RTTN: variants seen among roughly 807,000 people sequenced by gnomAD.
RTTN encodes rotatin.
In RTTN, 182 loss-of-function variants were observed where a neutral mutation model predicts 269.2. The observed-to-expected ratio is 0.68, with a 90% confidence interval of 0.60 to 0.76. The LOEUF is 0.76. Ranked by LOEUF, RTTN falls within the 30% of genes least tolerant of loss-of-function variation. The probability of loss-of-function intolerance (pLI) is 0.00; values close to 1 mark genes in which losing one functional copy is unlikely to be tolerated. For synonymous variants in RTTN, 1,006 were observed against 963.5 expected (o/e 1.04, Z -0.82); for missense variants, 2,545 against 2,608.6 (o/e 0.98, Z 0.53).
intron 23 of RTTN, 67 bp downstream of exon 23, chr18:70,134,406 G>C: frequency 1.6e-5 from 19 of 1,186,504 alleles, no homozygotes; most frequent in Non-Finnish European, 2.3e-5. Flanking sequence ...ACAAATTATA[G>C]ATTTTGATTT....
intron 34 of RTTN, among the ~76,000 whole-genome samples, chr18:70,073,058 CTGTA>C (rs1176298545): frequency 1.3e-5 from 2 of 151,990 alleles, no homozygotes; most frequent in Non-Finnish European, 2.9e-5. Context: ...ATTATAATGT[CTGTA>C]TAATTATTAT....
intron 46 of RTTN, among the ~76,000 whole-genome samples, chr18:70,016,390 C>T (rs1306876974): frequency 6.6e-6 from 1 of 152,116 alleles, no homozygotes; most frequent in African/African-American, 2.4e-5. Flanking sequence ...TAAACTGATT[C>T]TTACCAAACC....
intron 43 of RTTN, 139 bp from the exon 44 acceptor site, chr18:70,024,987 C>A: frequency 1.1e-6 from 1 of 911,822 alleles, no homozygotes; most frequent in Non-Finnish European, 1.6e-6. Context: ...GCCCCAGCCC[C>A]ATTGGGCTCC....
At chr18:70,101,235 T>G (rs1213274226) in intron 28 of RTTN, among the ~76,000 whole-genome samples, 2 of 152,186 alleles carry the variant, frequency 1.3e-5, no homozygotes, top group Non-Finnish European at 2.9e-5. Flanking sequence ...AGGCTAATAA[T>G]TATTGCCTCA....
intron 42 of RTTN, 48 bp downstream of exon 42, chr18:70,029,964 T>G (rs2056964627): frequency 7.5e-7 from 1 of 1,336,890 alleles, no homozygotes; most frequent in Non-Finnish European, 1.1e-6. Flanking sequence ...ACAAGAGGAC[T>G]GGAGAATGGT....
At chr18:70,113,272 A>G (rs1242937637) in intron 27 of RTTN, among the ~76,000 whole-genome samples, 1 of 152,212 alleles carries the variant, frequency 6.6e-6, no homozygotes, top group Non-Finnish European at 1.5e-5. Flanking sequence ...CGAAGAAGAT[A>G]CACAAATAGC....
chr18:70,109,352 A>C, intron 28 of RTTN, 146 bp downstream of exon 28: 1 of 573,714 alleles, frequency 1.7e-6, no homozygotes, highest in East Asian at 2.9e-5. Flanking sequence ...TATTAATAAA[A>C]ATCACTAAAA....
intron 28 of RTTN, among the ~76,000 whole-genome samples, chr18:70,096,265 T>A (rs2059001783): frequency 6.6e-6 from 1 of 152,118 alleles, no homozygotes; most frequent in African/African-American, 2.4e-5. Flanking sequence ...CTTGGAGGAG[T>A]TTGTTATTAC....
intron 12 of RTTN, among the ~76,000 whole-genome samples, chr18:70,168,628 T>C (rs188891938): frequency 2.6e-5 from 4 of 152,314 alleles, no homozygotes; most frequent in East Asian, 3.9e-4. Flanking sequence ...TGTAAATCAC[T>C]GATGTTAGGA....
chr18:70,082,756 T>A (rs1001744736), intron 32 of RTTN, among the ~76,000 whole-genome samples: 4 of 152,114 alleles, frequency 2.6e-5, no homozygotes, highest in African/African-American at 9.7e-5. Context: ...AGTGACACAA[T>A]CATAGCTTAC....
chr18:70,109,494 T>C lies in RTTN; in HGVS notation c.3903+4A>G. The C allele has an allele frequency of 6.2e-7, 1 of 1,612,512 alleles. No individual in the cohort carries two copies. The highest frequency in any genetic ancestry group is 8.5e-7 in the Non-Finnish European group (1 of 1,178,490). On this transcript the variant is annotated splice_donor_region_variant and intron_variant, in intron 28 of 48. Coordinates refer to ENST00000640769, the MANE Select transcript of RTTN (RefSeq NM_173630.4). ...AATAACTACCATATGCTATTTTTACTTACCTCAAGGAGACCTGACAAGTAC... is the reference window on the plus strand; with the variant it reads ...AATAACTACCATATGCTATTTTTACCTACCTCAAGGAGACCTGACAAGTAC...
intron 40 of RTTN, among the ~76,000 whole-genome samples, chr18:70,036,222 C>G (rs979825599): frequency 6.6e-6 from 1 of 152,126 alleles, no homozygotes; most frequent in Non-Finnish European, 1.5e-5. Flanking sequence ...ATAAATCATT[C>G]TATCATAAAG....
intron 21 of RTTN, among the ~76,000 whole-genome samples, chr18:70,139,184 A>G (rs1046119710): frequency 2.0e-5 from 3 of 152,200 alleles, no homozygotes; most frequent in African/African-American, 4.8e-5. Flanking sequence ...TTGAGCCTAT[A>G]CTCTTAACAC....
intron 32 of RTTN, 61 bp from the exon 33 acceptor site, chr18:70,075,602 G>C (rs2058408500): frequency 2.2e-6 from 3 of 1,347,920 alleles, no homozygotes; most frequent in South Asian, 3.2e-5. Flanking sequence ...TCCTTAAAAA[G>C]ATCCATTGTC....
chr18:70,047,157 T>C (rs534619025), intron 40 of RTTN, among the ~76,000 whole-genome samples: 1 of 152,332 alleles, frequency 6.6e-6, no homozygotes, highest in South Asian at 2.1e-4. Context: ...CAATCTTCTA[T>C]CTTTGCCAAA....
At chr18:70,089,283 G>C (rs186636310) in intron 30 of RTTN, among the ~76,000 whole-genome samples, 7 of 152,314 alleles carry the variant, frequency 4.6e-5, no homozygotes, top group Non-Finnish European at 8.8e-5. Flanking sequence ...CCTCAGGAAG[G>C]AGAGAAATCT....
intron 45 of RTTN, chr18:70,019,501 C>T (rs907750799): frequency 3.3e-5 from 5 of 152,062 alleles, no homozygotes; most frequent in Non-Finnish European, 5.9e-5. Flanking sequence ...AATATATATA[C>T]ATATATGACA....
At chr18:70,147,109 A>G (rs1252812290) in intron 17 of RTTN, among the ~76,000 whole-genome samples, 1 of 152,200 alleles carries the variant, frequency 6.6e-6, no homozygotes, top group Non-Finnish European at 1.5e-5. Context: ...TCTCTGGTAT[A>G]TACATTTAGC....
intron 28 of RTTN, among the ~76,000 whole-genome samples, chr18:70,094,050 C>T (rs2058927707): frequency 6.6e-6 from 1 of 151,570 alleles, no homozygotes. Flanking sequence ...AGGAATTTAT[C>T]CATTTCTTCT....
Sources: allele counts gnomAD v4.1 joint callset (sites outside exome capture counted in the v4.1 genomes callset), GRCh38; gene constraint gnomAD v4.1.1; transcripts MANE v1.5; gene names NCBI Gene and HGNC (gene_info 2026-07-23, HGNC 2026-07-21).